The following CSMD3 variants were observed in gnomAD, a reference collection of about 807,000 sequenced individuals.
CSMD3 encodes the protein CUB and Sushi multiple domains 3.
CSMD3 carries 177 observed loss-of-function variants against 435.2 expected under a neutral mutation model. The ratio of observed to expected loss-of-function variants is 0.41; its 90% confidence interval spans 0.36 to 0.46. The LOEUF is 0.46. CSMD3 is among the 20% of genes least tolerant of loss of function. The pLI is 0.34. For synonymous variants in CSMD3, 1,656 were observed against 1,520.5 expected (o/e 1.09, Z -2.07); for missense variants, 4,265 against 4,504.6 (o/e 0.95, Z 1.52).
chr8:113,412,798 A>C (rs777034634), intron 1 of CSMD3, among the ~76,000 whole-genome samples: 1 of 146,834 alleles, frequency 6.8e-6, no homozygotes, highest in Non-Finnish European at 1.5e-5. Flanking sequence ...TCTAGAAGAC[A>C]ATGTTACAGG....
At chr8:113,113,570 G>A (rs1435041845) in intron 4 of CSMD3, among the ~76,000 whole-genome samples, 1 of 152,220 alleles carries the variant, frequency 6.6e-6, no homozygotes, top group East Asian at 1.9e-4. Context: ...TTAGCTTCAG[G>A]GCACCATCTT....
chr8:112,561,451 G>GGAGATA (rs1416959469), intron 24 of CSMD3, among the ~76,000 whole-genome samples: 4 of 151,468 alleles, frequency 2.6e-5, no homozygotes, highest in African/African-American at 9.7e-5. Flanking sequence ...TAATATATTT[G>GGAGATA]TAAGTTATTT....
At chr8:113,134,705 A>G (rs2091370557) in intron 4 of CSMD3, among the ~76,000 whole-genome samples, 1 of 152,058 alleles carries the variant, frequency 6.6e-6, no homozygotes, top group South Asian at 2.1e-4. Flanking sequence ...TTACATATGT[A>G]TATACTCCAG....
At chr8:112,652,898 C>T (rs1158349961) in intron 18 of CSMD3, among the ~76,000 whole-genome samples, 11 of 152,088 alleles carry the variant, frequency 7.2e-5, no homozygotes, top group South Asian at 6.2e-4. Flanking sequence ...GCCTCCACTT[C>T]GCTTCCTGGG....
chr8:112,392,372 T>A (rs7463918), intron 35 of CSMD3, among the ~76,000 whole-genome samples: 30,546 of 149,850 alleles, frequency 0.2, 3,841 homozygotes, highest in East Asian at 0.41. Context: ...TGACAATATA[T>A]TTTTAAAGAA....
At chr8:112,813,918 C>T (rs918406625) in intron 12 of CSMD3, among the ~76,000 whole-genome samples, 1 of 152,226 alleles carries the variant, frequency 6.6e-6, no homozygotes, top group African/African-American at 2.4e-5. Context: ...CCAGGCTCCA[C>T]CCCCTGCAAA....
At chr8:112,458,453 A>G (rs1435276873) in intron 32 of CSMD3, among the ~76,000 whole-genome samples, 1 of 152,036 alleles carries the variant, frequency 6.6e-6, no homozygotes, top group African/African-American at 2.4e-5. Flanking sequence ...AGATAAGAAC[A>G]TTTCTTCCAG....
At chr8:112,311,735 T>C (rs1326447588) in intron 49 of CSMD3, among the ~76,000 whole-genome samples, 1 of 152,116 alleles carries the variant, frequency 6.6e-6, no homozygotes, top group Non-Finnish European at 1.5e-5. Flanking sequence ...AATAAAAAAG[T>C]TTTTTCATCT....
chr8:112,891,512 C>T (rs1014746496), intron 10 of CSMD3, among the ~76,000 whole-genome samples: 4 of 151,524 alleles, frequency 2.6e-5, no homozygotes, highest in South Asian at 4.1e-4. Flanking sequence ...TCTTCAAATG[C>T]TATGAAGCTT....
chr8:112,734,161 T>C (rs1051755439), intron 13 of CSMD3, among the ~76,000 whole-genome samples: 4 of 151,800 alleles, frequency 2.6e-5, no homozygotes, highest in African/African-American at 9.7e-5. Flanking sequence ...CAGGGAGGAT[T>C]AAATGAATTA....
intron 16 of CSMD3, among the ~76,000 whole-genome samples, chr8:112,679,520 T>A (rs2131767550): frequency 6.6e-6 from 1 of 152,348 alleles, no homozygotes; most frequent in East Asian, 1.9e-4. Flanking sequence ...CTTAGGGATG[T>A]GTGGAGGGCT....
At chr8:113,395,888 CT>C (rs1179295842) in intron 1 of CSMD3, among the ~76,000 whole-genome samples, 2 of 151,966 alleles carry the variant, frequency 1.3e-5, no homozygotes, top group Admixed American at 1.3e-4. Context: ...TATGAAGATC[CT>C]TTTCTTTTCT....
intron 5 of CSMD3, among the ~76,000 whole-genome samples, chr8:113,049,710 T>TG (rs1564254216): frequency 1.3e-5 from 2 of 152,174 alleles, no homozygotes; most frequent in Non-Finnish European, 2.9e-5. Flanking sequence ...CAAGATCTGA[T>TG]GGTAGCACGT....
intron 24 of CSMD3, among the ~76,000 whole-genome samples, chr8:112,562,601 G>T (rs1232307841): frequency 6.6e-6 from 1 of 150,926 alleles, no homozygotes; most frequent in Admixed American, 6.6e-5. Flanking sequence ...AATAAAAGTT[G>T]ATATAATGCA....
In CSMD3 at chr8:112,255,334, A is replaced by G. The variant is rs1206992934; in HGVS notation, c.9956T>C (p.Phe3319Ser). 6.2e-7 allele frequency: 1 copy of G among 1,613,674 alleles called. No individual in the cohort carries two copies. The highest frequency in any genetic ancestry group is 8.5e-7 in the Non-Finnish European group (1 of 1,179,724). The change falls in exon 62 of 71, where the codon TTT becomes TCT. Residue 3319 changes from phenylalanine (F) to serine (S), a missense_variant. By Grantham distance (155) the Phe-to-Ser change is radical. Around this residue, in one of 3 missense-constraint regions of CSMD3, gnomAD observed 3,255 missense variants for 3,380.2 expected, o/e 0.96. Coordinates refer to ENST00000297405, the MANE Select transcript of CSMD3 (RefSeq NM_198123.2). ...GCTTGATCCCACTAATATGAAAGGA[A>G]AATTGCAGCTGAATGAAACCTCTGA... ...YQSEVSFSCN[F>S]PFILVGSSTR... is the part of the protein sequence containing the mutation.
chr8:112,621,691 A>C lies in CSMD3; in HGVS notation c.3715+15126T>G, dbSNP rs572571643. Reference sequence around the variant, plus strand: ...TTTACTTGTTTTTCTCATATTTTACAGACTCCCTCTTCTCAGTCTCCTTTG... The same window carrying C: ...TTTACTTGTTTTTCTCATATTTTACCGACTCCCTCTTCTCAGTCTCCTTTG... On this transcript the variant is annotated intron_variant, in intron 22 of 70. Transcript: ENST00000297405. Among the ~76,000 whole-genome samples, 6 of 152,214 alleles carry C rather than the reference A, an allele frequency of 3.9e-5. No homozygotes were observed. In the South Asian group the frequency reaches 1.2e-3, roughly 32 times the overall value.
At chr8:113,372,403 T>C (rs1452245731) in intron 1 of CSMD3, among the ~76,000 whole-genome samples, 1 of 152,172 alleles carries the variant, frequency 6.6e-6, no homozygotes, top group Non-Finnish European at 1.5e-5. Flanking sequence ...TATTTTGGGC[T>C]TTGATTTCTA....
intron 38 of CSMD3, among the ~76,000 whole-genome samples, chr8:112,378,485 A>C (rs1004568233): frequency 1.3e-5 from 2 of 152,226 alleles, no homozygotes; most frequent in African/African-American, 4.8e-5. Context: ...CTATTCATCC[A>C]TAAAATTGAA....
At chr8:113,132,679 C>T (rs2091313701) in intron 4 of CSMD3, among the ~76,000 whole-genome samples, 1 of 151,932 alleles carries the variant, frequency 6.6e-6, no homozygotes, top group African/African-American at 2.4e-5. Flanking sequence ...AGTGTGAAAG[C>T]GAACTAATAC....
Sources: allele counts gnomAD v4.1 joint callset (sites outside exome capture counted in the v4.1 genomes callset), GRCh38; gene constraint gnomAD v4.1.1; regional missense constraint gnomAD v4.1.1; transcripts MANE v1.5; gene names NCBI Gene and HGNC (gene_info 2026-07-23, HGNC 2026-07-21).